NLRP14: variants seen among roughly 807,000 people sequenced by gnomAD.
NLRP14 encodes the protein NLR family pyrin domain containing 14.
A neutral mutation model predicts 94.7 loss-of-function variants in NLRP14; 105 were observed. The ratio of observed to expected loss-of-function variants is 1.11; its 90% CI spans 0.95 to 1.30. The LOEUF is 1.30. NLRP14 is among the 50% of genes most tolerant of loss of function. NLRP14 has a pLI of 0.00. For missense variants in NLRP14, 1,362 were observed against 1,254.1 expected (o/e 1.09, Z -1.30); for synonymous variants, 508 against 459.9 (o/e 1.10, Z -1.34).
chr11:7,061,364 A>G (rs1322543576), intron 9 of NLRP14, among the ~76,000 whole-genome samples: 1 of 152,090 alleles, frequency 6.6e-6, no homozygotes, highest in East Asian at 1.9e-4. Flanking sequence ...TTAACTACAG[A>G]CGTATAATTT....
chr11:7,081,193 GT>G, the NLRP14 span, among the ~76,000 whole-genome samples: 17 of 152,146 alleles, frequency 1.1e-4, no homozygotes, highest in Admixed American at 9.2e-4. Flanking sequence ...GATTTAGGTG[GT>G]TTTTTTTATT....
intron 3 of NLRP14, among the ~76,000 whole-genome samples, chr11:7,040,105 T>A (rs1852225143): frequency 6.6e-6 from 1 of 152,212 alleles, no homozygotes; most frequent in South Asian, 2.1e-4. Context: ...GTTTATCACA[T>A]CTACTTTCTT....
the NLRP14 span, among the ~76,000 whole-genome samples, chr11:7,081,503 C>CT: frequency 1.3e-4 from 19 of 148,814 alleles, no homozygotes; most frequent in Admixed American, 4.0e-4. Context: ...TGGATGCCAT[C>CT]TTTTTTTTTT....
the NLRP14 span, chr11:7,090,183 G>GA: frequency 6.2e-7 from 1 of 1,613,700 alleles, no homozygotes; most frequent in South Asian, 1.1e-5. Flanking sequence ...TCTGTCCATG[G>GA]AAAGGGGCTG....
chr11:7,072,747 C>T (rs1052417964), downstream of NLRP14, among the ~76,000 whole-genome samples: 3 of 152,210 alleles, frequency 2.0e-5, no homozygotes, highest in Admixed American at 6.5e-5. Context: ...CCATCTTGCT[C>T]CCCTTTGCAC....
intron 4 of NLRP14, among the ~76,000 whole-genome samples, chr11:7,045,996 G>A (rs1589863784): frequency 6.6e-6 from 1 of 151,996 alleles, no homozygotes; most frequent in Non-Finnish European, 1.5e-5. Flanking sequence ...CTCCATTGTC[G>A]AGCTTATAAA....
the NLRP14 span, among the ~76,000 whole-genome samples, chr11:7,086,235 C>A: frequency 6.6e-6 from 1 of 152,186 alleles, no homozygotes; most frequent in African/African-American, 2.4e-5. Context: ...CAATAACTAT[C>A]CTAATTGATA....
intron 1 of NLRP14, among the ~76,000 whole-genome samples, chr11:7,035,741 C>T (rs547459493): frequency 4.6e-5 from 7 of 152,098 alleles, no homozygotes; most frequent in Non-Finnish European, 1.0e-4. Context: ...CCTTTGTGTC[C>T]TCCTAGAACT....
intron 1 of NLRP14, among the ~76,000 whole-genome samples, chr11:7,029,928 A>C (rs950288793): frequency 6.6e-6 from 1 of 152,220 alleles, no homozygotes; most frequent in Non-Finnish European, 1.5e-5. Flanking sequence ...CCTTAGTATC[A>C]GTTGCCTAGA....
In NLRP14 at chr11:7,046,770, A is replaced by C. The variant is rs776260122; in HGVS notation, c.2061A>C (p.Lys687Asn). 3 of 1,613,618 alleles carry C rather than the reference A, an allele frequency of 1.9e-6. No homozygotes were observed. Among genetic ancestry groups the C allele is most frequent in the Non-Finnish European group, 2.5e-6 (3 of 1,179,620 alleles). The change falls in exon 5 of 12, where the codon AAA becomes AAC. Residue 687 changes from lysine to asparagine, a missense_variant. Transcript: ENST00000299481. ...ACCTGTACCATAGCAACCTTGATAA[A>C]TCAGCAATGAATATCCTGCATCATG... ...ELDLYHSNLD[K>N]SAMNILHHEL...
intron 10 of NLRP14, among the ~76,000 whole-genome samples, chr11:7,065,664 A>G (rs4758155): frequency 0.61 from 92,734 of 151,850 alleles, 28,848 homozygotes; most frequent in East Asian, 0.8. Flanking sequence ...CAATTTATCA[A>G]TTTAAGGAAA....
chr11:7,077,678 C>T, the NLRP14 span, among the ~76,000 whole-genome samples: 1 of 152,238 alleles, frequency 6.6e-6, no homozygotes, highest in Non-Finnish European at 1.5e-5. Context: ...AAAGGCACGT[C>T]TCACGTGGCT....
intron 6 of NLRP14, among the ~76,000 whole-genome samples, chr11:7,050,191 G>C (rs10839702): frequency 0.57 from 86,940 of 152,116 alleles, 25,908 homozygotes; most frequent in East Asian, 0.86. Flanking sequence ...AAATAATACA[G>C]TGGGGGATGT....
rs995042697 is a variant in NLRP14 at position 7,043,147 on chromosome 11, C to T, written c.1121C>T (p.Ala374Val). 6.2e-7 allele frequency: 1 copy of T among 1,614,132 alleles called. No homozygotes were observed. Among genetic ancestry groups the T allele is most frequent in the East Asian group, 2.2e-5 (1 of 44,886 alleles). The change falls in exon 4 of 12, where the codon GCC becomes GTC. Residue 374 changes from alanine (A) to valine (V), a missense_variant. Transcript: ENST00000299481. Reference protein sequence around the residue: ...SMCQVPLVCWAACTCLKQQME... With the variant: ...SMCQVPLVCWVACTCLKQQME... ...TGCCAAGTCCCCCTAGTGTGCTGGG[C>T]CGCTTGTACTTGTCTGAAGCAGCAA...
intron 10 of NLRP14, among the ~76,000 whole-genome samples, chr11:7,069,407 G>T (rs1358827042): frequency 6.6e-6 from 1 of 152,190 alleles, no homozygotes; most frequent in African/African-American, 2.4e-5. Flanking sequence ...GATGCAGAAG[G>T]CTGAGTTTGA....
intron 3 of NLRP14, among the ~76,000 whole-genome samples, chr11:7,040,095 G>A (rs762581344): frequency 2.0e-4 from 31 of 152,190 alleles, no homozygotes; most frequent in Non-Finnish European, 7.4e-5. Flanking sequence ...GAAACTTTCA[G>A]TTTATCACAT....
the NLRP14 span, among the ~76,000 whole-genome samples, chr11:7,086,116 T>C: frequency 6.6e-6 from 1 of 152,346 alleles, no homozygotes; most frequent in African/African-American, 2.4e-5. Flanking sequence ...TGAAGAACTG[T>C]CATACTGTTT....
chr11:7,067,517 A>G (rs1852722221), intron 10 of NLRP14, among the ~76,000 whole-genome samples: 2 of 152,158 alleles, frequency 1.3e-5, no homozygotes, highest in Admixed American at 1.3e-4. Context: ...ATTGGTGTAT[A>G]TGAATGCTTG....
chr11:7,033,404 A>G (rs12274426), intron 1 of NLRP14, among the ~76,000 whole-genome samples: 12,551 of 152,260 alleles, frequency 0.082, 651 homozygotes, highest in African/African-American at 0.14. Context: ...TTGCATTACT[A>G]TGGTATATTT....
Sources: gnomAD v4.1 joint callset for allele counts (sites outside exome capture counted in the v4.1 genomes callset) on GRCh38, gnomAD v4.1.1 for gene constraint, MANE v1.5 for transcripts, NCBI Gene and HGNC (gene_info 2026-07-23, HGNC 2026-07-21) for gene names.